Variants in KLC2 observed in about 807,000 individuals in gnomAD.
KLC2 encodes the protein KLC 2.
In KLC2, 35 loss-of-function variants were observed where a neutral mutation model predicts 75.1. The ratio of observed to expected loss-of-function variants is 0.47; its 90% CI spans 0.36 to 0.62. The LOEUF (loss-of-function observed/expected upper bound fraction) is 0.62, where lower values mean the gene tolerates loss of function less well. Ranked by LOEUF, KLC2 falls within the 20% of genes least tolerant of loss-of-function variation. The pLI is 0.00. For missense variants in KLC2, 611 were observed against 833.2 expected (o/e 0.73, Z 3.28); for synonymous variants, 314 against 336.7 (o/e 0.93, Z 0.74).
upstream of KLC2, among the ~76,000 whole-genome samples, chr11:66,253,005 C>CTT (rs34358719): frequency 4.4e-4 from 54 of 122,892 alleles, no homozygotes; most frequent in Admixed American, 7.5e-4. Flanking sequence ...AATGTGCTGA[C>CTT]TTTTTTTTTT....
chr11:66,244,630 A>AG, the KLC2 span: 1 of 152,242 alleles, frequency 6.6e-6, no homozygotes, highest in South Asian at 2.1e-4. Flanking sequence ...AGCCCTTCCC[A>AG]GGGCTCAGCC....
chr11:66,249,981 C>T, the KLC2 span, among the ~76,000 whole-genome samples: 2 of 152,284 alleles, frequency 1.3e-5, no homozygotes, highest in African/African-American at 4.8e-5. Flanking sequence ...AACCACCGTC[C>T]ACCAGGCCCG....
intron 11 of KLC2, 34 bp downstream of exon 11, chr11:66,265,269 C>T (rs1446173937): frequency 3.2e-6 from 5 of 1,570,900 alleles, no homozygotes; most frequent in Admixed American, 1.7e-5. Context: ...GGGAGCAGGG[C>T]ACGGCAGGGC....
rs766940498 is a variant in KLC2 at position 66,261,806 on chromosome 11, AGGTGCGGCGTCT to A, written c.299_310del (p.Arg100_Val103del). 1 of 1,613,058 alleles carries A rather than the reference AGGTGCGGCGTCT, an allele frequency of 6.2e-7. No homozygotes were observed. Among genetic ancestry groups the A allele is most frequent in the Non-Finnish European group, 8.5e-7 (1 of 1,179,984 alleles). On this transcript the variant is annotated inframe_deletion, in exon 3 of 16. Transcript: ENST00000394067. ...TCAGAGAAGCAGAAGCTGCGGGCGC[AGGTGCGGCGTCT>A]GGTGCAGGAGAACCAGTGGCTGCGT...
In KLC2 at chr11:66,267,393, CG is replaced by C. The variant is rs1856912284; in HGVS notation, c.*440del. 1 of 718,828 alleles carries C rather than the reference CG, an allele frequency of 1.4e-6. No homozygotes were observed. The highest frequency in any genetic ancestry group is 1.7e-5 in the African/African-American group (1 of 57,268). 44.5% of individuals were successfully genotyped at this position (718,828 alleles called of 1,614,324 possible). On this transcript the variant is annotated 3_prime_UTR_variant, in exon 16 of 16. Transcript: ENST00000394067. The stretch of plus-strand genomic sequence containing the variant: ...CCTCCCTTCAGTCCACGGTACTACC[CG>C]GGCCTCCCCTCGTCCCTCTTCTAGT...
upstream of KLC2, among the ~76,000 whole-genome samples, chr11:66,255,269 CAA>C (rs1855994928): frequency 6.6e-6 from 1 of 152,244 alleles, no homozygotes; most frequent in African/African-American, 2.4e-5. Flanking sequence ...CTGCTCACTG[CAA>C]CCTCCACCTC....
intron 5 of KLC2, 62 bp downstream of exon 5, chr11:66,263,098 C>A: frequency 7.9e-7 from 1 of 1,271,684 alleles, no homozygotes; most frequent in East Asian, 2.4e-5. Flanking sequence ...ATCACTAACC[C>A]TTGGTGCCTG....
Position 66,266,003 on chromosome 11 carries a change from G to A in KLC2, c.1593G>A (p.Glu531=). The A allele has an allele frequency of 6.2e-7, 1 of 1,612,758 alleles. No individual in the cohort carries two copies. Among genetic ancestry groups the A allele is most frequent in the Non-Finnish European group, 8.5e-7 (1 of 1,179,072 alleles). The change falls in exon 13 of 16, where the codon GAG becomes GAA. Residue 531 remains glutamate (E), a synonymous_variant. Transcript: ENST00000394067. The part of the protein sequence containing the change: ...SDLEDVGPTA[E]WNGDGSGSLR... ...TCGAGGACGTGGGACCTACAGCTGA[G>A]TGGAATGGGGTGAGTCCGGGGCCTG...
intron 9 of KLC2, chr11:66,264,745 C>T: frequency 3.4e-6 from 2 of 584,530 alleles, no homozygotes; most frequent in Non-Finnish European, 6.1e-6. Flanking sequence ...GGGAAACCAC[C>T]TCTGGCCCCG....
chr11:66,267,096 C>T lies in KLC2; in HGVS notation c.*140C>T, dbSNP rs1165409233. On this transcript the variant is annotated 3_prime_UTR_variant, in exon 16 of 16. Transcript: ENST00000394067. Reference sequence around the variant, plus strand: ...CTGTTCAATCTCAGGGTAACCTTCTCCCTTGTCATCTCAGCCTGAGCCCTG... The same window carrying T: ...CTGTTCAATCTCAGGGTAACCTTCTTCCTTGTCATCTCAGCCTGAGCCCTG... 28 of 1,533,262 alleles carry T rather than the reference C, an allele frequency of 1.8e-5. No individual in the cohort carries two copies. Among genetic ancestry groups the T allele is most frequent in the Middle Eastern group, 1.8e-4 (1 of 5,426 alleles). 95.0% of individuals were successfully genotyped at this position (1,533,262 alleles called of 1,614,324 possible).
chr11:66,265,367 A>C (rs1314604767), intron 11 of KLC2, 132 bp downstream of exon 11: 1 of 801,724 alleles, frequency 1.2e-6, no homozygotes, highest in Non-Finnish European at 2.0e-6. Flanking sequence ...ACCTGTCCCA[A>C]GAAGGCTCTG....
chr11:66,266,730 G>C (rs1277801349), intron 15 of KLC2, 143 bp from the exon 16 acceptor site: 6 of 903,832 alleles, frequency 6.6e-6, no homozygotes, highest in Non-Finnish European at 1.1e-5. Flanking sequence ...AGGGCACCAG[G>C]GTGTGGCCTT....
Position 66,267,501 on chromosome 11 carries a change from A to AGGG in KLC2, c.*548_*550dup, listed in dbSNP as rs1253769844. ...ACATTCTCGGGAGCGGCGCCTCCCA[A>AGGG]GGGGGTCCTGGGACCTTCTCGCGCT... On this transcript the variant is annotated 3_prime_UTR_variant, in exon 16 of 16. Coordinates refer to ENST00000394067, the MANE Select transcript of KLC2 (RefSeq NM_001318734.2). The AGGG allele has an allele frequency of 1.7e-5, 12 of 693,098 alleles. No homozygotes were observed. Among genetic ancestry groups the AGGG allele is most frequent in the Non-Finnish European group, 3.2e-5 (12 of 370,776 alleles). The allele number at this position is 693,098 out of a possible 1,614,324, so 42.9% of individuals were successfully genotyped here.
chr11:66,258,852 G>A, intron 2 of KLC2, 30 bp downstream of exon 2: 1 of 1,459,848 alleles, frequency 6.9e-7, no homozygotes, highest in Non-Finnish European at 9.5e-7. Flanking sequence ...TGAGGTGGGA[G>A]GTCACTGGAG....
chr11:66,253,975 G>C (rs1855983642), upstream of KLC2, among the ~76,000 whole-genome samples: 1 of 152,246 alleles, frequency 6.6e-6, no homozygotes, highest in Non-Finnish European at 1.5e-5. Context: ...CCTTGGCCGG[G>C]CGCAGTGGCT....
the KLC2 span, among the ~76,000 whole-genome samples, chr11:66,249,694 T>G: frequency 5.3e-4 from 81 of 152,238 alleles, no homozygotes; most frequent in Admixed American, 1.1e-3. Context: ...TAACCACTTA[T>G]GTTGCGACCT....
chr11:66,266,729 G>A, intron 15 of KLC2, 144 bp from the exon 16 acceptor site: 1 of 901,302 alleles, frequency 1.1e-6, no homozygotes, highest in Non-Finnish European at 1.8e-6. Flanking sequence ...CAGGGCACCA[G>A]GGTGTGGCCT....
chr11:66,258,907 T>G, intron 2 of KLC2, 85 bp downstream of exon 2: 1 of 912,318 alleles, frequency 1.1e-6, no homozygotes, highest in South Asian at 1.6e-5. Flanking sequence ...GAGAAGAATC[T>G]GAGCAGGGAA....
chr11:66,262,722 A>G, intron 4 of KLC2, 92 bp from the exon 5 acceptor site: 1 of 869,294 alleles, frequency 1.2e-6, no homozygotes, highest in Non-Finnish European at 1.9e-6. Context: ...GCCCAGGGCC[A>G]TGTGTCAAGT....
Sources: gnomAD v4.1 joint callset for allele counts (sites outside exome capture counted in the v4.1 genomes callset) on GRCh38, gnomAD v4.1.1 for gene constraint, MANE v1.5 for transcripts, NCBI Gene and HGNC (gene_info 2026-07-23, HGNC 2026-07-21) for gene names.